The following DAZL variants were observed in gnomAD, a reference collection of about 807,000 sequenced individuals.
DAZL encodes deleted in azoospermia-like.
A neutral mutation model predicts 45.0 loss-of-function variants in DAZL; 4 were observed. That is an observed-to-expected ratio of 0.09 (90% CI 0.04 to 0.20). The LOEUF (loss-of-function observed/expected upper bound fraction) is 0.20, where lower values mean the gene tolerates loss of function less well. DAZL is among the 10% of genes least tolerant of loss of function. DAZL has a pLI of 1.00. For synonymous variants in DAZL, 122 were observed against 112.4 expected (o/e 1.09, Z -0.54); for missense variants, 326 against 351.3 (o/e 0.93, Z 0.58).
At chr3:16,604,309 A>G in intron 1 of DAZL, 1 of 796,756 alleles carries the variant, frequency 1.3e-6, no homozygotes, top group African/African-American at 1.8e-5. Flanking sequence ...TACCAAACTC[A>G]CAAAAACGCA....
chr3:16,602,123 G>C (rs1003289670), intron 1 of DAZL, among the ~76,000 whole-genome samples: 2 of 152,070 alleles, frequency 1.3e-5, no homozygotes, highest in Non-Finnish European at 2.9e-5. Flanking sequence ...TGGGGAGTTG[G>C]GGGTGGGGAG....
In DAZL at chr3:16,604,750, G is replaced by A. The variant is rs943573055; in HGVS notation, c.3+453C>T. Reference sequence around the variant, plus strand: ...CATCTTGCGGAGCCACGGGGAGAGCGCGCCAGAAATGAGGCTGGCGGGGCG... The same window carrying A: ...CATCTTGCGGAGCCACGGGGAGAGCACGCCAGAAATGAGGCTGGCGGGGCG... On this transcript the variant is annotated intron_variant, in intron 1 of 10. Coordinates refer to ENST00000399444, the MANE Select transcript of DAZL (RefSeq NM_001351.4). 38 of 1,359,908 alleles carry A rather than the reference G, an allele frequency of 2.8e-5. No individual in the cohort carries two copies. The East Asian group carries it at 5.0e-4, about 18-fold the overall frequency. The allele number at this position is 1,359,908 out of a possible 1,614,324, so 84.2% of individuals were successfully genotyped here.
chr3:16,592,152 A>G lies in DAZL; in HGVS notation c.736-4T>C, dbSNP rs747112436. The G allele has an allele frequency of 1.9e-6, 3 of 1,612,702 alleles. No homozygotes were observed. In the South Asian group the frequency reaches 3.3e-5, roughly 18 times the overall value. On this transcript the variant is annotated splice_polypyrimidine_tract_variant and splice_region_variant and intron_variant, in intron 9 of 10. Transcript: ENST00000399444. ...GTATGCTTCGGTCCACAGATTTCTG[A>G]AACACAGAAGTTTTCAGTAATGTAA...
chr3:16,605,418 C>G lies in DAZL; in HGVS notation c.-213G>C, dbSNP rs573756642. On this transcript the variant is annotated 5_prime_UTR_variant, in exon 1 of 11. Transcript: ENST00000399444. ...GGACCGTCAGGCTGAGGAGCGCAGG[C>G]GGACTGAGGCGTGGTCCGCGGGGCT... 1.7e-4 allele frequency: 108 copies of G among 642,448 alleles called. No individual in the cohort carries two copies. The African/African-American group carries it at 1.8e-3, about 11-fold the overall frequency. 39.8% of individuals were successfully genotyped at this position (642,448 alleles called of 1,614,324 possible). A position where few individuals can be genotyped will look rare whatever the true frequency, so the allele number is the denominator to read the frequency against.
At chr3:16,601,934 T>C (rs1189825481) in intron 1 of DAZL, among the ~76,000 whole-genome samples, 1 of 152,200 alleles carries the variant, frequency 6.6e-6, no homozygotes, top group Non-Finnish European at 1.5e-5. Flanking sequence ...TCAATTACTA[T>C]GTGAACATGA....
chr3:16,604,372 G>A (rs867020079), intron 1 of DAZL: 8 of 1,350,844 alleles, frequency 5.9e-6, no homozygotes, highest in Admixed American at 2.1e-5. Flanking sequence ...CTGGTTTATC[G>A]AGAGGGAAAA....
At chr3:16,603,257 G>A (rs78663735) in intron 1 of DAZL, among the ~76,000 whole-genome samples, 2,452 of 152,242 alleles carry the variant, frequency 0.016, 72 homozygotes, top group African/African-American at 0.057. Flanking sequence ...AAGGGGTAAA[G>A]CGCTTTCACC....
At position 16,604,571 on chromosome 3, in the gene DAZL, C is replaced by T. The variant is rs1694744912; in HGVS notation, c.3+632G>A. On this transcript the variant is annotated intron_variant, in intron 1 of 10. Coordinates refer to ENST00000399444, the MANE Select transcript of DAZL (RefSeq NM_001351.4). The stretch of plus-strand genomic sequence containing the variant: ...ACTTCCGGCCCAGCCCCCTCAGCTA[C>T]AGGGCCATGCCTTCAGGACGCCCCA... 2.3e-5 allele frequency: 33 copies of T among 1,426,110 alleles called. 1 individual carries two copies. The South Asian group carries it at 4.6e-4, about 20-fold the overall frequency. The allele number at this position is 1,426,110 out of a possible 1,614,324, so 88.3% of individuals were successfully genotyped here.
At chr3:16,589,198 G>A (rs192631634) in intron 10 of DAZL, among the ~76,000 whole-genome samples, 1 of 152,188 alleles carries the variant, frequency 6.6e-6, no homozygotes, top group Non-Finnish European at 1.5e-5. Flanking sequence ...AACCTGTGAA[G>A]ATGTATTATT....
At chr3:16,590,525 T>A (rs1051292000) in intron 10 of DAZL, among the ~76,000 whole-genome samples, 2 of 152,212 alleles carry the variant, frequency 1.3e-5, no homozygotes, top group African/African-American at 4.8e-5. Context: ...AGCAATTCCA[T>A]TCCCAAGTAT....
At chr3:16,590,878 G>A (rs759874405) in intron 10 of DAZL, among the ~76,000 whole-genome samples, 3 of 151,108 alleles carry the variant, frequency 2.0e-5, no homozygotes, top group African/African-American at 4.9e-5. Flanking sequence ...AAAATAGCAG[G>A]TGACTGCTAA....
chr3:16,587,000 G>C lies in DAZL; in HGVS notation c.*1660C>G, dbSNP rs925714793. On this transcript the variant is annotated 3_prime_UTR_variant, in exon 11 of 11. Transcript: ENST00000399444. Reference sequence around the variant, plus strand: ...CCTTAAGGTCATATTGGAATAATTAGAAGTAGCTCTTTAGAATATAGATAT... The same window carrying C: ...CCTTAAGGTCATATTGGAATAATTACAAGTAGCTCTTTAGAATATAGATAT... 6.6e-6 allele frequency: 1 copy of C among 152,052 alleles called. No individual in the cohort carries two copies. The highest frequency in any genetic ancestry group is 2.4e-5 in the African/African-American group (1 of 41,390). 9.4% of individuals were successfully genotyped at this position (152,052 alleles called of 1,614,324 possible).
At chr3:16,598,294 G>C (rs906032765) in intron 2 of DAZL, 116 bp from the exon 3 acceptor site, 3 of 1,390,858 alleles carry the variant, frequency 2.2e-6, no homozygotes, top group Non-Finnish European at 2.0e-6. Context: ...CAAATGACCA[G>C]TAGCTCTTTG....
In DAZL at chr3:16,605,312, C is replaced by G; in HGVS notation, c.-107G>C. 1.4e-6 allele frequency: 2 copies of G among 1,381,190 alleles called. No individual in the cohort carries two copies. The highest frequency in any genetic ancestry group is 2.1e-6 in the Non-Finnish European group (2 of 967,944). 85.6% of individuals were successfully genotyped at this position (1,381,190 alleles called of 1,614,324 possible). ...AGGTCCGCTGGAACCCGCTGCGCGGCTTCGAGTGGTCAAAGGAGCCAAAGA... is the reference window on the plus strand; with the variant it reads ...AGGTCCGCTGGAACCCGCTGCGCGGGTTCGAGTGGTCAAAGGAGCCAAAGA... On this transcript the variant is annotated 5_prime_UTR_variant, in exon 1 of 11. Coordinates refer to ENST00000399444, the MANE Select transcript of DAZL (RefSeq NM_001351.4).
rs369534020 is a variant in DAZL at position 16,598,444 on chromosome 3, T to A, written c.150+8A>T. The stretch of plus-strand genomic sequence containing the variant: ...TTTCAAGGTAAAAATGAGGTATGAA[T>A]ACAATACCCTAACATCAATTCCTCC... On this transcript the variant is annotated splice_region_variant and intron_variant, in intron 2 of 10. Transcript: ENST00000399444. 6.2e-7 allele frequency: 1 copy of A among 1,606,466 alleles called. No homozygotes were observed. The highest frequency in any genetic ancestry group is 8.5e-7 in the Non-Finnish European group (1 of 1,176,262).
At position 16,605,423 on chromosome 3, in the gene DAZL, T is replaced by C; in HGVS notation, c.-218A>G. The stretch of plus-strand genomic sequence containing the variant: ...GTCAGGCTGAGGAGCGCAGGCGGAC[T>C]GAGGCGTGGTCCGCGGGGCTCAGGG... On this transcript the variant is annotated 5_prime_UTR_variant, in exon 1 of 11. Coordinates refer to ENST00000399444, the MANE Select transcript of DAZL (RefSeq NM_001351.4). 1 of 637,990 alleles carries C rather than the reference T, an allele frequency of 1.6e-6. No individual in the cohort carries two copies. Among genetic ancestry groups the C allele is most frequent in the Non-Finnish European group, 2.8e-6 (1 of 354,992 alleles). The allele number at this position is 637,990 out of a possible 1,614,324, so 39.5% of individuals were successfully genotyped here. A position where few individuals can be genotyped will look rare whatever the true frequency, so the allele number is the denominator to read the frequency against.
At chr3:16,595,627 G>A (rs1314619817) in intron 6 of DAZL, among the ~76,000 whole-genome samples, 1 of 151,964 alleles carries the variant, frequency 6.6e-6, no homozygotes, top group Non-Finnish European at 1.5e-5. Flanking sequence ...AACAGGCAAA[G>A]TTTATCATAT....
In DAZL at chr3:16,594,480, A is replaced by G. The variant is rs185862096; in HGVS notation, c.621+53T>C. 105 of 1,376,868 alleles carry G rather than the reference A, an allele frequency of 7.6e-5. 1 individual carries two copies. In the East Asian group the frequency reaches 2.4e-3, roughly 32 times the overall value. The allele number at this position is 1,376,868 out of a possible 1,614,324, so 85.3% of individuals were successfully genotyped here. On this transcript the variant is annotated intron_variant, in intron 8 of 10. Coordinates refer to ENST00000399444, the MANE Select transcript of DAZL (RefSeq NM_001351.4). ...AACAATCAAGAAATATAGTTAAACA[A>G]AAAAAAATACTTTAAAATAACAGGA...
At position 16,592,064 on chromosome 3, in the gene DAZL, C is replaced by T. The variant is rs1694527125; in HGVS notation, c.820G>A (p.Asp274Asn). Reference protein sequence around the residue: ...NRLRNSVVTQDDYFKDKRVHH... With the variant: ...NRLRNSVVTQNDYFKDKRVHH... ...TATATTCATACCTTGAAGTAGTCAT[C>T]TTGAGTAACAACAGAGTTTCTCAGT... Residue 274 changes from aspartate (D) to asparagine (N), a missense_variant, in exon 10 of 11, where the codon GAT (aspartate) becomes AAT (asparagine). By Grantham distance (23) the Asp-to-Asn change is conservative. Around this residue, in one of 3 missense-constraint regions of DAZL, gnomAD observed 227 missense variants for 216.6 expected, o/e 1.05. Coordinates refer to ENST00000399444, the MANE Select transcript of DAZL (RefSeq NM_001351.4). 1.2e-6 allele frequency: 2 copies of T among 1,613,212 alleles called. No individual in the cohort carries two copies. The highest frequency in any genetic ancestry group is 2.2e-5 in the South Asian group (2 of 91,068).
Sources: gnomAD v4.1 joint callset for allele counts (sites outside exome capture counted in the v4.1 genomes callset) on GRCh38, gnomAD v4.1.1 for gene constraint, gnomAD v4.1.1 regional missense constraint, MANE v1.5 for transcripts, NCBI Gene and HGNC (gene_info 2026-07-23, HGNC 2026-07-21) for gene names.